Variants in WRN observed in about 807,000 individuals in gnomAD.
WRN encodes bifunctional 3'-5' exonuclease/ATP-dependent helicase WRN.
Under a neutral mutation model 180.7 loss-of-function variants are expected in WRN, and 149 were observed. The observed-to-expected ratio is 0.82, with a 90% CI of 0.72 to 0.94. The LOEUF is 0.94. Ranked by LOEUF, WRN falls within the 40% of genes least tolerant of loss-of-function variation. WRN has a pLI of 0.00. For synonymous variants in WRN, 548 were observed against 568.9 expected (o/e 0.96, Z 0.52); for missense variants, 1,661 against 1,700.1 (o/e 0.98, Z 0.40).
At chr8:31,167,955 A>G (rs1296209163) in intron 34 of WRN, among the ~76,000 whole-genome samples, 1 of 152,124 alleles carries the variant, frequency 6.6e-6, no homozygotes, top group Non-Finnish European at 1.5e-5. Context: ...AATTGTTTCA[A>G]TTCTTAGTTG....
chr8:31,081,083 T>A lies in WRN; in HGVS notation c.1056T>A (p.Asp352Glu). 2 of 1,614,034 alleles carry A rather than the reference T, an allele frequency of 1.2e-6. No individual in the cohort carries two copies. The highest frequency in any genetic ancestry group is 1.7e-6 in the Non-Finnish European group (2 of 1,179,976). Residue 352 changes from aspartate to glutamate, a missense_variant, in exon 9 of 35, where the codon GAT (aspartate) becomes GAA (glutamate). By Grantham distance (45) the Asp-to-Glu change is conservative. Around this residue, in one of 3 missense-constraint regions of WRN, gnomAD observed 500 missense variants for 504.1 expected, o/e 0.99. Transcript: ENST00000298139. ...ATGAAACATGGGACCCAACACTTGA[T>A]CATTTAGCTAAACATGATGGAGAAG... ...VEDETWDPTL[D>E]HLAKHDGEDV...
chr8:31,119,968 G>T, intron 20 of WRN: 1 of 377,422 alleles, frequency 2.6e-6, no homozygotes, highest in Non-Finnish European at 4.9e-6. Flanking sequence ...TAAATATTTT[G>T]AACCCCTTTT....
At chr8:31,111,200 A>G (rs1801302120) in intron 18 of WRN, among the ~76,000 whole-genome samples, 1 of 152,120 alleles carries the variant, frequency 6.6e-6, no homozygotes, top group African/African-American at 2.4e-5. Flanking sequence ...TTAGATTTTC[A>G]GTGAATTGAG....
chr8:31,067,159 C>G lies in WRN; in HGVS notation c.631C>G (p.Leu211Val), dbSNP rs980659335. ...SKFPLTEDQK[L>V]YAATDAYAGF... ...ATTTCCTCTCACTGAGGACCAGAAA[C>G]TGTATGCAGCCACTGATGCTTATGT... The change falls in exon 6 of 35, where the codon CTG becomes GTG. Residue 211 changes from leucine to valine, a missense_variant. Transcript: ENST00000298139. 1 of 1,613,804 alleles carries G rather than the reference C, an allele frequency of 6.2e-7. No individual in the cohort carries two copies. The highest frequency in any genetic ancestry group is 1.7e-5 in the Admixed American group (1 of 60,022).
intron 21 of WRN, among the ~76,000 whole-genome samples, chr8:31,122,404 T>C (rs1801757836): frequency 6.6e-6 from 1 of 152,018 alleles, no homozygotes; most frequent in Non-Finnish European, 1.5e-5. Context: ...TATGCCATAA[T>C]TCTATCACTG....
Position 31,123,135 on chromosome 8 carries a change from C to T in WRN, c.2631-1387C>T, listed in dbSNP as rs190152244. ...GAAATTTTGTGCCATCCCACTCAGT[C>T]TGCCTCGACTTCCCTTAGAATCATC... is the stretch of plus-strand genomic sequence containing the variant. On this transcript the variant is annotated intron_variant, in intron 21 of 34. Coordinates refer to ENST00000298139, the MANE Select transcript of WRN (RefSeq NM_000553.6). 5.0e-3 allele frequency among the ~76,000 whole-genome samples: 760 copies of T among 151,966 alleles called. 7 individuals carry two copies. The highest frequency in any genetic ancestry group is 0.017 in the African/African-American group (687 of 41,462).
At chr8:31,152,176 T>C (rs918041704) in intron 31 of WRN, among the ~76,000 whole-genome samples, 6 of 152,022 alleles carry the variant, frequency 3.9e-5, no homozygotes, top group African/African-American at 1.4e-4. Flanking sequence ...AGAATGTGAT[T>C]CTAGTAAGCA....
chr8:31,165,049 A>G (rs1199599521), intron 33 of WRN, among the ~76,000 whole-genome samples: 1 of 152,132 alleles, frequency 6.6e-6, no homozygotes, highest in African/African-American at 2.4e-5. Context: ...TTAAATCATT[A>G]ATAGTGGTTT....
chr8:31,081,401 C>T (rs1432141763), intron 9 of WRN, 105 bp downstream of exon 9: 3 of 1,226,642 alleles, frequency 2.4e-6, no homozygotes, highest in Admixed American at 4.6e-5. Context: ...GTGGGACATA[C>T]AGTCTCTGTT....
At chr8:31,075,948 T>C (rs1455331717) in intron 7 of WRN, among the ~76,000 whole-genome samples, 3 of 152,194 alleles carry the variant, frequency 2.0e-5, no homozygotes, top group African/African-American at 7.2e-5. Context: ...ATAGTACAGA[T>C]GACTGCAGAT....
chr8:31,091,836 C>T lies in WRN; in HGVS notation c.1836C>T (p.Ser612=). The change falls in exon 16 of 35, where the codon TCC becomes TCT. Residue 612 remains serine, a synonymous_variant. Coordinates refer to ENST00000298139, the MANE Select transcript of WRN (RefSeq NM_000553.6). ...MEDQVLQLKM[S]NIPACFLGSA... ...TTTGTTTTTCTTCTTATAGAATGTC[C>T]AACATCCCAGCTTGCTTCCTTGGAT... The T allele has an allele frequency of 6.2e-7, 1 of 1,612,898 alleles. No homozygotes were observed.
chr8:31,143,699 A>G (rs1802751912), intron 28 of WRN, 76 bp downstream of exon 28: 1 of 1,050,712 alleles, frequency 9.5e-7, no homozygotes, highest in African/African-American at 1.6e-5. Context: ...GAACTGTCAG[A>G]TGTTGGGCTA....
chr8:31,074,950 T>C (rs1813044291), intron 7 of WRN, among the ~76,000 whole-genome samples: 1 of 152,012 alleles, frequency 6.6e-6, no homozygotes, highest in African/African-American at 2.4e-5. Context: ...GTTCTCAGGG[T>C]GGAAGGCTTA....
At chr8:31,120,032 A>G (rs1801662522) in intron 20 of WRN, 1 of 566,028 alleles carries the variant, frequency 1.8e-6, no homozygotes, top group Non-Finnish European at 3.1e-6. Flanking sequence ...TATTTTTTAT[A>G]GAGAGTGAAC....
chr8:31,108,643 A>G lies in WRN; in HGVS notation c.2089-2972A>G, dbSNP rs183463235. On this transcript the variant is annotated intron_variant, in intron 18 of 34. Coordinates refer to ENST00000298139, the MANE Select transcript of WRN (RefSeq NM_000553.6). ...GACCCAGAAAGGGATATCATTGCTAAAAAAAAAAATCCCCTTGTGACCTGG... is the reference window on the plus strand; with the variant it reads ...GACCCAGAAAGGGATATCATTGCTAGAAAAAAAAATCCCCTTGTGACCTGG... 3.4e-3 allele frequency among the ~76,000 whole-genome samples: 500 copies of G among 148,076 alleles called. 5 individuals are homozygous for G. The highest frequency in any genetic ancestry group is 0.024 in the Middle Eastern group (7 of 286).
chr8:31,096,841 G>A lies in WRN; in HGVS notation c.1972G>A (p.Ala658Thr), dbSNP rs2130203519. 1.2e-6 allele frequency: 2 copies of A among 1,613,006 alleles called. No homozygotes were observed. The highest frequency in any genetic ancestry group is 1.7e-6 in the Non-Finnish European group (2 of 1,179,526). ...CATGGGCCTGCTCCAGCAACTTGAG[G>A]CTGATATTGGTAAGTGATAAAGAAA... ...GNMGLLQQLEADIGITLIAVD... is the reference protein window; with the variant it reads ...GNMGLLQQLETDIGITLIAVD... Residue 658 changes from alanine to threonine, a missense_variant, in exon 17 of 35, where the codon GCT becomes ACT. Physicochemically the swap from Ala to Thr is moderately conservative, Grantham distance 58 (BLOSUM62 0). This residue lies in a region of WRN where 1,141 missense variants were observed against 1,149.4 expected (regional missense o/e 0.99). Coordinates refer to ENST00000298139, the MANE Select transcript of WRN (RefSeq NM_000553.6).
rs145341005 is a variant in WRN at position 31,163,547 on chromosome 8, A to C, written c.3983-3475A>C. Among the ~76,000 whole-genome samples the C allele has an allele frequency of 6.9e-4, 105 of 152,328 alleles. 1 individual carries two copies. In the East Asian group the frequency reaches 0.018, roughly 26 times the overall value. ...TAAAAGAAAGAAATATGCAATTTCT[A>C]ATCCTGATATAGGATATGGGTATAT... On this transcript the variant is annotated intron_variant, in intron 33 of 34. Coordinates refer to ENST00000298139, the MANE Select transcript of WRN (RefSeq NM_000553.6).
At chr8:31,172,497 ATGTT>A (rs1458317366) in intron 34 of WRN, among the ~76,000 whole-genome samples, 1 of 152,106 alleles carries the variant, frequency 6.6e-6, no homozygotes. Flanking sequence ...TATTTAGCGA[ATGTT>A]TGTTAAGCGT....
chr8:31,065,190 A>T (rs1812647827), intron 5 of WRN, 127 bp downstream of exon 5: 4 of 969,994 alleles, frequency 4.1e-6, no homozygotes, highest in Admixed American at 2.9e-5. Flanking sequence ...TAGCAATAAA[A>T]AAGTTCCAAG....
Sources: gnomAD v4.1 joint callset for allele counts (sites outside exome capture counted in the v4.1 genomes callset) on GRCh38, gnomAD v4.1.1 for gene constraint, gnomAD v4.1.1 regional missense constraint, MANE v1.5 for transcripts, NCBI Gene and HGNC (gene_info 2026-07-23, HGNC 2026-07-21) for gene names.